Variants in PLEKHA7 observed in about 807,000 individuals in gnomAD.
PLEKHA7 encodes the protein pleckstrin homology domain containing A7, also known as pleckstrin homology domain-containing family A member 7.
In PLEKHA7, 104 loss-of-function variants were observed where a neutral mutation model predicts 170.0. The ratio of observed to expected loss-of-function variants is 0.61; its 90% CI spans 0.52 to 0.72. The LOEUF (loss-of-function observed/expected upper bound fraction) is 0.72, where lower values mean the gene tolerates loss of function less well. Among genes scored for constraint, PLEKHA7 ranks in the 30% least tolerant of loss-of-function variants. The pLI is 0.00. For synonymous variants in PLEKHA7, 648 were observed against 660.8 expected, an observed-to-expected ratio of 0.98 and a Z score of 0.30; for missense variants, 1,615 against 1,671.7, an observed-to-expected ratio of 0.97 and a Z score of 0.59.
At chr11:17,007,702 T>C (rs937395716) in intron 3 of PLEKHA7, among the ~76,000 whole-genome samples, 6 of 151,514 alleles carry the variant, frequency 4.0e-5, no homozygotes, top group African/African-American at 1.2e-4. Flanking sequence ...GCCTCCCTAA[T>C]AGCTGGGACT....
At chr11:16,835,804 AATAGGT>A (rs1851467123) in intron 9 of PLEKHA7, among the ~76,000 whole-genome samples, 1 of 152,138 alleles carries the variant, frequency 6.6e-6, no homozygotes, top group Non-Finnish European at 1.5e-5. Flanking sequence ...AGGCAAAAGA[AATAGGT>A]ATAACAGGAA....
intron 13 of PLEKHA7, among the ~76,000 whole-genome samples, chr11:16,804,850 C>T (rs76404194): frequency 0.078 from 11,859 of 152,120 alleles, 617 homozygotes; most frequent in Non-Finnish European, 0.1. Flanking sequence ...AAGACTGCAA[C>T]AATCCACAAA....
At chr11:16,802,140 C>T (rs1004983899) in intron 15 of PLEKHA7, among the ~76,000 whole-genome samples, 5 of 152,136 alleles carry the variant, frequency 3.3e-5, no homozygotes, top group African/African-American at 1.2e-4. Flanking sequence ...AAACAAAAAC[C>T]TCTTTAGCCT....
At chr11:16,925,630 G>A (rs2136284603) in intron 3 of PLEKHA7, among the ~76,000 whole-genome samples, 1 of 152,326 alleles carries the variant, frequency 6.6e-6, no homozygotes, top group Admixed American at 6.5e-5. Flanking sequence ...GCGAGCCCGG[G>A]CGGGCCACCG....
intron 3 of PLEKHA7, among the ~76,000 whole-genome samples, chr11:16,915,933 G>A (rs371498717): frequency 2.7e-5 from 4 of 149,746 alleles, no homozygotes; most frequent in African/African-American, 1.0e-4. Flanking sequence ...CTGAGGAATC[G>A]CCACACTGAC....
chr11:16,786,856 C>T (rs1849432120), intron 23 of PLEKHA7: 2 of 985,272 alleles, frequency 2.0e-6, no homozygotes, highest in Non-Finnish European at 1.2e-6. Flanking sequence ...TGGGAATTTT[C>T]AACAAGATAA....
chr11:16,793,435 C>T (rs1292874840), intron 19 of PLEKHA7, among the ~76,000 whole-genome samples: 1 of 152,214 alleles, frequency 6.6e-6, no homozygotes, highest in East Asian at 1.9e-4. Context: ...GGGTCCAGCT[C>T]TGGGCCCTGG....
chr11:16,921,228 G>A (rs1859064054), intron 3 of PLEKHA7, among the ~76,000 whole-genome samples: 1 of 147,028 alleles, frequency 6.8e-6, no homozygotes. Flanking sequence ...ATGGGACCTT[G>A]AAAACTCTGA....
chr11:16,876,070 A>C (rs1254178069), intron 3 of PLEKHA7, among the ~76,000 whole-genome samples: 1 of 152,028 alleles, frequency 6.6e-6, no homozygotes, highest in East Asian at 1.9e-4. Flanking sequence ...ACCCATTTGG[A>C]GATTGCAAAG....
chr11:16,847,396 G>A (rs1245105757), intron 8 of PLEKHA7, among the ~76,000 whole-genome samples: 2 of 152,088 alleles, frequency 1.3e-5, no homozygotes, highest in Non-Finnish European at 2.9e-5. Context: ...CCGGCCAACT[G>A]TGGCTGAAGT....
chr11:16,988,523 T>C (rs1306587929), intron 3 of PLEKHA7, among the ~76,000 whole-genome samples: 46 of 152,220 alleles, frequency 3.0e-4, no homozygotes, highest in Admixed American at 3.0e-3. Context: ...CTCAGCTCAC[T>C]GCAACCTCTG....
chr11:16,849,600 G>C (rs1852750166), intron 8 of PLEKHA7, among the ~76,000 whole-genome samples: 1 of 152,198 alleles, frequency 6.6e-6, no homozygotes, highest in Admixed American at 6.5e-5. Context: ...AGGAAGAAGA[G>C]AAAATAATAC....
chr11:17,014,384 G>C lies in PLEKHA7; in HGVS notation c.18C>G (p.Val6=). The C allele has an allele frequency of 3.7e-6, 5 of 1,365,116 alleles. No homozygotes were observed. The highest frequency in any genetic ancestry group is 3.4e-5 in the East Asian group (1 of 29,324). The allele number at this position is 1,365,116 out of a possible 1,614,324, so 84.6% of individuals were successfully genotyped here. Reference sequence around the variant, plus strand: ...AATGCTCAGGTAAAGTGTCCCGCCCGACCGTCGCCGCCGCCATGTTCGCCG... The same window carrying C: ...AATGCTCAGGTAAAGTGTCCCGCCCCACCGTCGCCGCCGCCATGTTCGCCG... MAAAT[V]GRDTLPEHWS... Residue 6 remains valine (V), a synonymous_variant, in exon 1 of 27, where the codon GTC becomes GTG. Transcript: ENST00000531066.
intron 3 of PLEKHA7, among the ~76,000 whole-genome samples, chr11:16,906,268 AAGGAAGGAAG>A (rs1857670996): frequency 2.5e-5 from 3 of 122,026 alleles, no homozygotes; most frequent in East Asian, 2.4e-4. Flanking sequence ...GGAAGGAAGG[AAGGAAGGAAG>A]GAAAGAAAGA....
intron 13 of PLEKHA7, 135 bp downstream of exon 13, chr11:16,812,978 G>T: frequency 1.5e-6 from 1 of 651,704 alleles, no homozygotes; most frequent in Non-Finnish European, 2.7e-6. Flanking sequence ...TCTGATTCAA[G>T]ATGGGAGACA....
Position 16,817,245 on chromosome 11 carries a change from G to C in PLEKHA7, c.1421C>G (p.Pro474Arg). 6.2e-7 allele frequency: 1 copy of C among 1,613,914 alleles called. No homozygotes were observed. Among genetic ancestry groups the C allele is most frequent in the Non-Finnish European group, 8.5e-7 (1 of 1,180,018 alleles). The change falls in exon 11 of 27, where the codon CCC becomes CGC. Residue 474 changes from proline (P) to arginine (R), a missense_variant. Transcript: ENST00000531066. This position sits in a 1 kb window ranked among gnomAD's most constrained non-coding sequence, Gnocchi z 4.4. Reference protein sequence around the residue: ...LSFPENYQTLPKSTRHPSGGS... With the variant: ...LSFPENYQTLRKSTRHPSGGS... ...CCCCGAGGGGTGTCGGGTGCTCTTG[G>C]GAAGAGTCTGGTAGTTTTCTGGGAA...
intron 17 of PLEKHA7, among the ~76,000 whole-genome samples, chr11:16,800,636 G>A (rs1189080592): frequency 1.3e-5 from 2 of 152,228 alleles, no homozygotes; most frequent in Non-Finnish European, 1.5e-5. Flanking sequence ...AGCAGCCTAA[G>A]ATGGGGCCAA....
rs112108462 is a variant in PLEKHA7, at chr11:16,788,794, T to C, written c.3357+302A>G. On this transcript the variant is annotated intron_variant, in intron 23 of 26. Coordinates refer to ENST00000531066, the MANE Select transcript of PLEKHA7 (RefSeq NM_001329630.2). ...AACCCTGTATTCCCAGGTCCTGAAT[T>C]CAGCCGAGATTCCGAACGCCTGCAA... 2.7e-4 allele frequency: 132 copies of C among 486,538 alleles called. 2 individuals carry two copies. Among genetic ancestry groups the C allele is most frequent in the African/African-American group, 2.3e-3 (120 of 51,884 alleles). 30.1% of individuals were successfully genotyped at this position (486,538 alleles called of 1,614,324 possible). A position where few individuals can be genotyped will look rare whatever the true frequency, so the allele number is the denominator to read the frequency against.
intron 13 of PLEKHA7, among the ~76,000 whole-genome samples, chr11:16,808,021 C>T (rs216491): frequency 0.37 from 56,821 of 151,996 alleles, 10,984 homozygotes; most frequent in South Asian, 0.51. Context: ...ATTTGCTGGG[C>T]CCCATCCCTG....
Sources: allele counts gnomAD v4.1 joint callset (sites outside exome capture counted in the v4.1 genomes callset), GRCh38; gene constraint gnomAD v4.1.1; non-coding constraint Gnocchi (gnomAD v3.1); transcripts MANE v1.5; gene names NCBI Gene and HGNC (gene_info 2026-07-23, HGNC 2026-07-21).